The following NCK2 variants were observed in gnomAD, a reference collection of about 807,000 sequenced individuals.
The protein encoded by NCK2 is NCK adaptor protein 2, also known as cytoplasmic protein NCK2.
In NCK2, 16 loss-of-function variants were observed where a neutral mutation model predicts 33.9. That is an observed-to-expected ratio of 0.47 (90% confidence interval 0.32 to 0.72). NCK2 has a LOEUF of 0.72. Among genes scored for constraint, NCK2 ranks in the 30% least tolerant of loss-of-function variants. NCK2 has a pLI of 0.03. For missense variants in NCK2, 418 were observed against 537.3 expected, an observed-to-expected ratio of 0.78 and a Z score of 2.19; for synonymous variants, 273 against 239.9, an observed-to-expected ratio of 1.14 and a Z score of -1.27.
intron 1 of NCK2, among the ~76,000 whole-genome samples, chr2:105,812,139 T>G (rs150160335): frequency 8.1e-4 from 123 of 152,350 alleles, no homozygotes; most frequent in African/African-American, 2.8e-3. Context: ...TTGATACTTT[T>G]ACTTTTCAGG....
chr2:105,816,213 G>A lies in NCK2; in HGVS notation c.-200-217G>A, dbSNP rs193089338. ...CCCAGCTAATGGGGAGACTTAGGCA[G>A]GAGGATCACTTGAGCTCAGGAGGTG... On this transcript the variant is annotated intron_variant, in intron 1 of 4. Coordinates refer to ENST00000233154, the MANE Select transcript of NCK2 (RefSeq NM_003581.5). 1.3e-3 allele frequency among the ~76,000 whole-genome samples: 191 copies of A among 152,352 alleles called. 1 individual carries two copies. The highest frequency in any genetic ancestry group is 6.8e-3 in the Middle Eastern group (2 of 294).
intron 2 of NCK2, among the ~76,000 whole-genome samples, chr2:105,837,758 C>T (rs1676487633): frequency 6.6e-6 from 1 of 152,340 alleles, no homozygotes; most frequent in East Asian, 1.9e-4. Flanking sequence ...CTTCCTAACA[C>T]ATTATCAACC....
At chr2:105,866,580 C>G (rs1272245516) in intron 3 of NCK2, among the ~76,000 whole-genome samples, 1 of 152,198 alleles carries the variant, frequency 6.6e-6, no homozygotes, top group East Asian at 1.9e-4. Flanking sequence ...AAGCTAGATC[C>G]CTCACAGGCG....
intron 1 of NCK2, among the ~76,000 whole-genome samples, chr2:105,809,067 C>T (rs574304878): frequency 2.0e-5 from 3 of 152,302 alleles, no homozygotes; most frequent in African/African-American, 7.2e-5. Flanking sequence ...CCCAGGAAGC[C>T]AGCTGTAGTG....
In NCK2 at chr2:105,893,998, TGCACAC is replaced by T. The variant is rs1679106973; in HGVS notation, c.*823_*828del. The T allele has an allele frequency of 2.7e-5, 1 of 36,580 alleles. No homozygotes were observed. Among genetic ancestry groups the T allele is most frequent in the South Asian group, 1.5e-3 (1 of 680 alleles). The allele number at this position is 36,580 out of a possible 1,614,324, so 2.3% of individuals were successfully genotyped here. A position where few individuals can be genotyped will look rare whatever the true frequency, so the allele number is the denominator to read the frequency against. The stretch of plus-strand genomic sequence containing the variant: ...CCAACACTTTATACACACACACACG[TGCACAC>T]ACACACACACACACACTATATATAT... On this transcript the variant is annotated 3_prime_UTR_variant, in exon 5 of 5. Coordinates refer to ENST00000233154, the MANE Select transcript of NCK2 (RefSeq NM_003581.5).
At chr2:105,872,240 G>A (rs887112602) in intron 3 of NCK2, among the ~76,000 whole-genome samples, 2 of 152,162 alleles carry the variant, frequency 1.3e-5, no homozygotes, top group African/African-American at 4.8e-5. Context: ...ATCAGCTGAA[G>A]GTGCCTGCTG....
chr2:105,788,592 G>T (rs1690763914), intron 1 of NCK2, among the ~76,000 whole-genome samples: 1 of 152,168 alleles, frequency 6.6e-6, no homozygotes, highest in Admixed American at 6.5e-5. Flanking sequence ...TTATTATACT[G>T]TATATTACTT....
At chr2:105,760,111 C>T (rs185496595) in intron 1 of NCK2, among the ~76,000 whole-genome samples, 3 of 152,244 alleles carry the variant, frequency 2.0e-5, no homozygotes, top group Admixed American at 2.0e-4. Flanking sequence ...AGAGGGAGTT[C>T]AGCTGTACCT....
chr2:105,851,455 C>T (rs1677065935), intron 2 of NCK2, among the ~76,000 whole-genome samples: 1 of 152,146 alleles, frequency 6.6e-6, no homozygotes, highest in Non-Finnish European at 1.5e-5. Context: ...AGACAGGTTT[C>T]ACCGTGTTAG....
chr2:105,891,271 C>CT (rs778823483), intron 4 of NCK2, among the ~76,000 whole-genome samples: 1,884 of 147,828 alleles, frequency 0.013, 39 homozygotes, highest in African/African-American at 0.043. Flanking sequence ...TGTTTGTTTT[C>CT]TTTTTTTTTT....
intron 1 of NCK2, chr2:105,745,669 A>G (rs1689259897): frequency 6.6e-6 from 1 of 152,240 alleles, no homozygotes; most frequent in Non-Finnish European, 1.5e-5. Context: ...TATTACAACT[A>G]TTTATGTTCG....
chr2:105,845,652 C>T lies in NCK2; in HGVS notation c.-16-9396C>T, dbSNP rs371375679. Among the ~76,000 whole-genome samples the T allele has an allele frequency of 2.8e-4, 42 of 152,100 alleles. 1 individual carries two copies. Among genetic ancestry groups the T allele is most frequent in the Admixed American group, 1.3e-3 (20 of 15,272 alleles). On this transcript the variant is annotated intron_variant, in intron 2 of 4. Transcript: ENST00000233154. ...CAGATGATCCACCCACCTCAGCCTCCCAAAGTGCCAGGATTACAGATGTGA... is the reference window on the plus strand; with the variant it reads ...CAGATGATCCACCCACCTCAGCCTCTCAAAGTGCCAGGATTACAGATGTGA...
intron 2 of NCK2, among the ~76,000 whole-genome samples, chr2:105,849,570 T>C (rs1322373422): frequency 1.3e-5 from 2 of 152,126 alleles, no homozygotes; most frequent in Non-Finnish European, 2.9e-5. Context: ...CAATACACAG[T>C]GGGGCCTCCT....
chr2:105,882,705 G>T (rs1253994253), intron 4 of NCK2, among the ~76,000 whole-genome samples: 1 of 152,164 alleles, frequency 6.6e-6, no homozygotes, highest in Admixed American at 6.5e-5. Context: ...GCTGGGGGCG[G>T]TGAGTTTCAG....
chr2:105,817,622 A>G (rs6717125), intron 2 of NCK2, among the ~76,000 whole-genome samples: 48,991 of 152,070 alleles, frequency 0.32, 10,393 homozygotes, highest in African/African-American at 0.59. Flanking sequence ...GGCAAAGGAT[A>G]TGAACAGACA....
At chr2:105,786,452 A>T in intron 1 of NCK2, among the ~76,000 whole-genome samples, 1 of 152,224 alleles carries the variant, frequency 6.6e-6, no homozygotes, top group East Asian at 1.9e-4. Flanking sequence ...CCTGGCTGCC[A>T]GCCTTGGAGG....
At chr2:105,752,638 T>C (rs970179362) in intron 1 of NCK2, among the ~76,000 whole-genome samples, 2 of 152,194 alleles carry the variant, frequency 1.3e-5, no homozygotes, top group Non-Finnish European at 2.9e-5. Context: ...TATCCATCAC[T>C]CAAATAACAT....
At chr2:105,859,568 C>G (rs1212089448) in intron 3 of NCK2, among the ~76,000 whole-genome samples, 6 of 152,234 alleles carry the variant, frequency 3.9e-5, no homozygotes. Flanking sequence ...AGAGGGCTCC[C>G]TAATGCTAAC....
chr2:105,860,755 C>T (rs1157171961), intron 3 of NCK2, among the ~76,000 whole-genome samples: 20 of 151,472 alleles, frequency 1.3e-4, no homozygotes, highest in Admixed American at 1.3e-3. Flanking sequence ...ATGCCGGCGG[C>T]GCTGTAATGG....
Sources: gnomAD v4.1 joint callset for allele counts (sites outside exome capture counted in the v4.1 genomes callset) on GRCh38, gnomAD v4.1.1 for gene constraint, MANE v1.5 for transcripts, NCBI Gene and HGNC (gene_info 2026-07-23, HGNC 2026-07-21) for gene names.